The following PPP2R2B variants were observed in gnomAD, a reference collection of about 807,000 sequenced individuals.
The protein encoded by PPP2R2B is protein phosphatase 2 regulatory subunit Bbeta.
PPP2R2B carries 5 observed loss-of-function variants against 46.0 expected under a neutral mutation model. The observed-to-expected ratio is 0.11, with a 90% CI of 0.06 to 0.23. The LOEUF is 0.23. Among genes scored for constraint, PPP2R2B ranks in the 10% least tolerant of loss-of-function variants. The pLI is 1.00. For missense variants in PPP2R2B, 367 were observed against 575.0 expected (o/e 0.64, Z 3.70); for synonymous variants, 215 against 206.7 (o/e 1.04, Z -0.34).
intron 2 of PPP2R2B, among the ~76,000 whole-genome samples, chr5:146,805,337 C>G (rs1339606211): frequency 1.3e-5 from 2 of 152,186 alleles, no homozygotes; most frequent in East Asian, 1.9e-4. Flanking sequence ...ACCCCTCCCC[C>G]CAACTCTTGG....
chr5:146,701,601 A>T (rs533879135), intron 2 of PPP2R2B, among the ~76,000 whole-genome samples: 1 of 152,252 alleles, frequency 6.6e-6, no homozygotes, highest in African/African-American at 2.4e-5. Context: ...AGACATGGAA[A>T]ATGGAGGAAC....
chr5:146,831,734 G>A (rs557754444), intron 2 of PPP2R2B, among the ~76,000 whole-genome samples: 13 of 152,336 alleles, frequency 8.5e-5, no homozygotes, highest in African/African-American at 2.9e-4. Flanking sequence ...AGGCTGCAGT[G>A]AGCCGAGATT....
At chr5:146,858,176 C>T (rs1760787756) in intron 2 of PPP2R2B, among the ~76,000 whole-genome samples, 1 of 152,142 alleles carries the variant, frequency 6.6e-6, no homozygotes, top group Non-Finnish European at 1.5e-5. Flanking sequence ...AAATAACTTG[C>T]CCAAGGACTA....
intron 1 of PPP2R2B, among the ~76,000 whole-genome samples, chr5:146,952,890 T>C (rs1751687422): frequency 6.6e-6 from 1 of 152,106 alleles, no homozygotes; most frequent in African/African-American, 2.4e-5. Context: ...TCAGACAAAA[T>C]GTTAGCAAAT....
At chr5:146,606,198 A>G (rs1328008360) in intron 7 of PPP2R2B, among the ~76,000 whole-genome samples, 1 of 152,190 alleles carries the variant, frequency 6.6e-6, no homozygotes, top group African/African-American at 2.4e-5. Context: ...GAGAAGAGAG[A>G]GATTAGGTAA....
chr5:146,970,960 A>G (rs1752636453), intron 1 of PPP2R2B, among the ~76,000 whole-genome samples: 1 of 152,198 alleles, frequency 6.6e-6, no homozygotes, highest in Admixed American at 6.5e-5. Flanking sequence ...ATATCCCTTC[A>G]GACTTTTGAT....
In PPP2R2B at chr5:146,989,239, CATATTCA is replaced by C. The variant is rs1352447370; in HGVS notation, c.79+66419_79+66425del. Among the ~76,000 whole-genome samples, 985 of 152,056 alleles carry C rather than the reference CATATTCA, an allele frequency of 6.5e-3. 7 individuals carry two copies. Among genetic ancestry groups the C allele is most frequent in the African/African-American group, 0.023 (941 of 41,514 alleles). On this transcript the variant is annotated intron_variant, in intron 1 of 8. Coordinates refer to the PPP2R2B transcript ENST00000336640. ...AAAGCTAAAGTGAACCGAATAGTTC[CATATTCA>C]TTCTACAAGGCCAGCATTACTGATA...
At chr5:146,756,955 C>A (rs1318582496) in intron 2 of PPP2R2B, among the ~76,000 whole-genome samples, 2 of 152,152 alleles carry the variant, frequency 1.3e-5, no homozygotes, top group Non-Finnish European at 2.9e-5. Flanking sequence ...AGGAGGCAGA[C>A]AAATTAAGAT....
chr5:146,655,974 C>T (rs1372545537), intron 5 of PPP2R2B, among the ~76,000 whole-genome samples: 1 of 152,116 alleles, frequency 6.6e-6, no homozygotes, highest in Non-Finnish European at 1.5e-5. Flanking sequence ...AGAGGAGAGA[C>T]AGCAAAGTAT....
At chr5:146,960,455 A>C (rs559779246) in intron 1 of PPP2R2B, among the ~76,000 whole-genome samples, 8 of 152,172 alleles carry the variant, frequency 5.3e-5, no homozygotes, top group African/African-American at 1.9e-4. Context: ...ACGCCCGGCT[A>C]ATTTTTGTAT....
intron 7 of PPP2R2B, among the ~76,000 whole-genome samples, chr5:146,632,794 T>G (rs923960156): frequency 1.3e-5 from 2 of 151,930 alleles, no homozygotes; most frequent in Non-Finnish European, 2.9e-5. Context: ...GCAGGGAGAA[T>G]TCCAGGCAGA....
At chr5:146,671,239 T>A (rs1454791920) in intron 5 of PPP2R2B, among the ~76,000 whole-genome samples, 1 of 152,220 alleles carries the variant, frequency 6.6e-6, no homozygotes, top group African/African-American at 2.4e-5. Context: ...GTGATTCATG[T>A]ATGTTGATTT....
intron 1 of PPP2R2B, among the ~76,000 whole-genome samples, chr5:146,957,379 C>A (rs1350698088): frequency 6.6e-6 from 1 of 152,112 alleles, no homozygotes; most frequent in Non-Finnish European, 1.5e-5. Flanking sequence ...TGACTGCCAT[C>A]CGATATGATA....
chr5:146,892,456 T>C (rs1036022305), intron 1 of PPP2R2B, among the ~76,000 whole-genome samples: 1 of 152,320 alleles, frequency 6.6e-6, no homozygotes, highest in Admixed American at 6.5e-5. Flanking sequence ...AAAATATACA[T>C]GCACACATGC....
intron 5 of PPP2R2B, among the ~76,000 whole-genome samples, chr5:146,690,859 G>A (rs1029826869): frequency 2.0e-5 from 3 of 152,214 alleles, no homozygotes; most frequent in African/African-American, 7.2e-5. Context: ...GTGAACAACA[G>A]AGGCTAAGAT....
At chr5:146,828,816 A>C (rs1462142493) in intron 2 of PPP2R2B, among the ~76,000 whole-genome samples, 1 of 152,220 alleles carries the variant, frequency 6.6e-6, no homozygotes. Context: ...CTGATGTTCA[A>C]ATAACTCCTT....
intron 5 of PPP2R2B, among the ~76,000 whole-genome samples, chr5:146,681,212 T>A (rs1280298467): frequency 6.6e-6 from 1 of 152,256 alleles, no homozygotes; most frequent in Non-Finnish European, 1.5e-5. Flanking sequence ...AGTCCTCTAC[T>A]GATTTCAAAT....
intron 1 of PPP2R2B, among the ~76,000 whole-genome samples, chr5:146,931,220 T>A (rs879633128): frequency 1.1e-4 from 16 of 152,174 alleles, no homozygotes; most frequent in Admixed American, 6.5e-4. Flanking sequence ...GGTAATGTGA[T>A]GAAAATGTTT....
chr5:146,890,890 C>A (rs1281358282), intron 1 of PPP2R2B, among the ~76,000 whole-genome samples: 1 of 152,250 alleles, frequency 6.6e-6, no homozygotes, highest in Admixed American at 6.5e-5. Flanking sequence ...AAAACAGCAA[C>A]AGCAACATAG....
Sources: allele counts gnomAD v4.1 joint callset (sites outside exome capture counted in the v4.1 genomes callset), GRCh38; gene constraint gnomAD v4.1.1; transcripts MANE v1.5; gene names NCBI Gene and HGNC (gene_info 2026-07-23, HGNC 2026-07-21).